PAX6: variants seen among roughly 807,000 people sequenced by gnomAD.
The protein encoded by PAX6 is paired box protein Pax-6.
A neutral mutation model predicts 60.7 loss-of-function variants in PAX6; 7 were observed. The observed-to-expected ratio is 0.12, with a 90% CI of 0.07 to 0.22. The LOEUF (loss-of-function observed/expected upper bound fraction) is 0.22, where lower values mean the gene tolerates loss of function less well. Ranked by LOEUF, PAX6 falls within the 10% of genes least tolerant of loss-of-function variation. PAX6 has a pLI of 1.00. For missense variants in PAX6, 355 were observed against 555.2 expected (o/e 0.64, Z 3.62); for synonymous variants, 208 against 201.2 (o/e 1.03, Z -0.29).
chr11:31,797,379 T>C (rs1399956074), intron 8 of PAX6, among the ~76,000 whole-genome samples: 1 of 152,148 alleles, frequency 6.6e-6, no homozygotes, highest in Non-Finnish European at 1.5e-5. Flanking sequence ...CCATGTTCTG[T>C]CTCACACAAA....
At chr11:31,808,493 C>A (rs1024705465) in intron 2 of PAX6, 5 of 152,184 alleles carry the variant, frequency 3.3e-5, no homozygotes, top group Admixed American at 6.5e-5. Context: ...AATGCAGGAC[C>A]CTGAAGCTGC....
At chr11:31,799,751 G>A (rs1952933464) in intron 8 of PAX6, among the ~76,000 whole-genome samples, 1 of 152,140 alleles carries the variant, frequency 6.6e-6, no homozygotes. Context: ...AGTCCCGCGC[G>A]CCGCCCCTGG....
chr11:31,808,758 C>T (rs1280241926), intron 2 of PAX6: 1 of 152,238 alleles, frequency 6.6e-6, no homozygotes, highest in African/African-American at 2.4e-5. Flanking sequence ...TTCCCTCTCG[C>T]TAAGAAGCTA....
rs367992238 is a variant in PAX6, at chr11:31,801,552, T to A, written c.399+9A>T. ...GGGCAGGGAGGGCAGATGTTCTCAA[T>A]GAACTTACGCTTGGTATGTTATCGT... On this transcript the variant is annotated intron_variant, in intron 7 of 13. Transcript: ENST00000640368. The A allele has an allele frequency of 2.5e-6, 4 of 1,613,998 alleles. No homozygotes were observed. The African/African-American group carries it at 4.0e-5, about 16-fold the overall frequency.
chr11:31,812,451 AC>A (rs1957146795), upstream of PAX6: 1 of 152,594 alleles, frequency 6.6e-6, no homozygotes, highest in South Asian at 2.1e-4. Context: ...TGCTCAGTCC[AC>A]GGAGGCAGCT....
At chr11:31,801,071 G>A (rs186636204) in intron 7 of PAX6, 21 of 739,808 alleles carry the variant, frequency 2.8e-5, no homozygotes, top group Admixed American at 9.1e-5. Flanking sequence ...ATTGGGCGGA[G>A]GGGGTCCTTC....
At chr11:31,814,621 C>G (rs1957284505), upstream of PAX6, 1 of 152,312 alleles carries the variant, frequency 6.6e-6, no homozygotes, top group African/African-American at 2.4e-5. Context: ...TCTCTTTTTG[C>G]AGACCCTGGG....
Position 31,790,770 on chromosome 11 carries a change from G to C in PAX6, c.1165C>G (p.Pro389Ala), listed in dbSNP as rs1474010002. 1 of 1,614,088 alleles carries C rather than the reference G, an allele frequency of 6.2e-7. No individual in the cohort carries two copies. The highest frequency in any genetic ancestry group is 8.5e-7 in the Non-Finnish European group (1 of 1,180,012). Residue 389 changes from proline (P) to alanine (A), a missense_variant, in exon 13 of 14, where the codon CCA becomes GCA. Around this residue, in one of 5 missense-constraint regions of PAX6, gnomAD observed 149 missense variants for 191.9 expected, o/e 0.78. Coordinates refer to ENST00000640368, the MANE Select transcript of PAX6 (RefSeq NM_001368894.2). ...NGRSYDTYTPPHMQTHMNSQP... is the reference protein window; with the variant it reads ...NGRSYDTYTPAHMQTHMNSQP... Reference sequence around the variant, plus strand: ...CTGTTCATGTGTGTCTGCATATGTGGGGGGGTGTAGGTATCATAACTCCGC... The same window carrying C: ...CTGTTCATGTGTGTCTGCATATGTGCGGGGGTGTAGGTATCATAACTCCGC...
chr11:31,816,428 G>A (rs1257830273), intron 1 of PAX6: 10 of 653,376 alleles, frequency 1.5e-5, no homozygotes, highest in African/African-American at 3.5e-5. Context: ...GAGGACTCTG[G>A]TCAGAGGTAA....
intron 4 of PAX6, chr11:31,804,929 T>C (rs977570350): frequency 6.6e-6 from 1 of 152,386 alleles, no homozygotes; most frequent in African/African-American, 2.4e-5. Context: ...AGCATCGAAA[T>C]GGCAGAGAGA....
chr11:31,802,668 CG>C, intron 5 of PAX6, 35 bp downstream of exon 5: 2 of 1,597,238 alleles, frequency 1.3e-6, no homozygotes, highest in South Asian at 1.1e-5. Context: ...TGGAGGGCCG[CG>C]GGGGCGGCGA....
At chr11:31,797,348 C>T (rs187292045) in intron 8 of PAX6, among the ~76,000 whole-genome samples, 1 of 152,172 alleles carries the variant, frequency 6.6e-6, no homozygotes, top group Admixed American at 6.5e-5. Context: ...AATTTTAAAA[C>T]ATGGAGATTC....
At chr11:31,808,331 G>C (rs1051823576) in intron 2 of PAX6, 15 of 152,166 alleles carry the variant, frequency 9.9e-5, no homozygotes, top group Admixed American at 9.2e-4. Flanking sequence ...TCTCAGCATT[G>C]GGTAAATACT....
chr11:31,816,494 C>T (rs1592675986), intron 1 of PAX6: 1 of 701,172 alleles, frequency 1.4e-6, no homozygotes, highest in Non-Finnish European at 2.6e-6. Flanking sequence ...CTCCAATAAA[C>T]ATCTCTAATG....
In PAX6 at chr11:31,789,786, A is replaced by G. The variant is rs913523296; in HGVS notation, c.*148T>C. On this transcript the variant is annotated 3_prime_UTR_variant, in exon 14 of 14. Coordinates refer to ENST00000640368, the MANE Select transcript of PAX6 (RefSeq NM_001368894.2). ...CTTGTTTCAAGTCCATTCCTTCCCC[A>G]GTGGTACAATACAGGACACAATTGT... 1.2e-5 allele frequency: 9 copies of G among 752,306 alleles called. No individual in the cohort carries two copies. Among genetic ancestry groups the G allele is most frequent in the Admixed American group, 2.0e-5 (1 of 50,052 alleles). 46.6% of individuals were successfully genotyped at this position (752,306 alleles called of 1,614,324 possible). A position where few individuals can be genotyped will look rare whatever the true frequency, so the allele number is the denominator to read the frequency against.
chr11:31,808,087 G>A (rs868231536), intron 2 of PAX6: 73 of 152,062 alleles, frequency 4.8e-4, no homozygotes, highest in African/African-American at 1.8e-3. Flanking sequence ...CATTCAAGAG[G>A]TCTGCCCCCC....
chr11:31,790,916 C>G (rs1276878419), intron 12 of PAX6, 56 bp from the exon 13 acceptor site: 10 of 1,573,736 alleles, frequency 6.4e-6, no homozygotes, highest in Admixed American at 1.8e-5. Flanking sequence ...ACAGCCACAG[C>G]CCCAGGCTCC....
intron 1 of PAX6, chr11:31,816,637 C>T: frequency 4.3e-6 from 3 of 702,372 alleles, no homozygotes; most frequent in Non-Finnish European, 2.6e-6. Context: ...GATCCCGGCC[C>T]AGGTAAGGCG....
At position 31,805,933 on chromosome 11, in the gene PAX6, G is replaced by A. The variant is rs984349044; in HGVS notation, c.10+469C>T. On this transcript the variant is annotated intron_variant, in intron 4 of 13. Coordinates refer to ENST00000640368, the MANE Select transcript of PAX6 (RefSeq NM_001368894.2). ...TAGTGGGGTGAGGAGGGGAGGAGCT[G>A]CCCTGAGAGTGACTTGGGGAGAGAA... 23 of 162,174 alleles carry A rather than the reference G, an allele frequency of 1.4e-4. No individual in the cohort carries two copies. The Admixed American group carries it at 1.5e-3, about 10-fold the overall frequency. 10.0% of individuals were successfully genotyped at this position (162,174 alleles called of 1,614,324 possible).
Sources: allele counts gnomAD v4.1 joint callset (sites outside exome capture counted in the v4.1 genomes callset), GRCh38; gene constraint gnomAD v4.1.1; regional missense constraint gnomAD v4.1.1; transcripts MANE v1.5; gene names NCBI Gene and HGNC (gene_info 2026-07-23, HGNC 2026-07-21).